The following SMIM5 variants were observed in gnomAD, a reference collection of about 807,000 sequenced individuals.
The protein encoded by SMIM5 is small integral membrane protein 5.
SMIM5 carries 4 observed loss-of-function variants against 4.0 expected under a neutral mutation model. That is an observed-to-expected ratio of 1.01 (90% CI 0.50 to 2.30). SMIM5 has a LOEUF of 2.30. Ranked by LOEUF, SMIM5 falls within the 30% of genes most tolerant of loss-of-function variation. The probability of loss-of-function intolerance (pLI) is 0.02; values close to 1 mark genes in which losing one functional copy is unlikely to be tolerated. For synonymous variants in SMIM5, 46 were observed against 43.6 expected, an observed-to-expected ratio of 1.05 and a Z score of -0.22; for missense variants, 107 against 99.2, an observed-to-expected ratio of 1.08 and a Z score of -0.34.
intron 1 of SMIM5, 141 bp downstream of exon 1, chr17:75,634,343 T>C: frequency 1.3e-6 from 1 of 748,430 alleles, no homozygotes; most frequent in Non-Finnish European, 1.6e-6. Context: ...TGCAGGGAAG[T>C]CAGCCAGCCT....
chr17:75,634,952 A>C (rs1010204157), intron 1 of SMIM5, among the ~76,000 whole-genome samples: 2 of 152,016 alleles, frequency 1.3e-5, no homozygotes, highest in Non-Finnish European at 2.9e-5. Flanking sequence ...ACCCCTAAGG[A>C]AGCAGGACCC....
chr17:75,640,183 A>G lies in SMIM5; in HGVS notation c.-19A>G. The stretch of plus-strand genomic sequence containing the variant: ...CCCAGCAGAGCCCGGCAGGAGCCCC[A>G]ACAGGAAGCCAGCGCGGCATGGCTG... On this transcript the variant is annotated 5_prime_UTR_variant, in exon 2 of 3. Transcript: ENST00000375215. This position sits in a 1 kb window ranked among gnomAD's most constrained non-coding sequence, Gnocchi z 4.6. 6.5e-7 allele frequency: 1 copy of G among 1,538,616 alleles called. No individual in the cohort carries two copies. The highest frequency in any genetic ancestry group is 8.8e-7 in the Non-Finnish European group (1 of 1,142,162).
At chr17:75,635,954 G>T in intron 1 of SMIM5, 1 of 648,124 alleles carries the variant, frequency 1.5e-6, no homozygotes, top group Non-Finnish European at 1.9e-6. Context: ...CTGTTGCAAG[G>T]CTCCGTGTGC....
intron 1 of SMIM5, chr17:75,637,959 C>T (rs1286108613): frequency 6.6e-6 from 1 of 152,230 alleles, no homozygotes; most frequent in Admixed American, 6.5e-5. Context: ...TCAGCTTCCC[C>T]ACGTATAGAA....
chr17:75,633,902 G>A lies in SMIM5; in HGVS notation c.-337G>A. 1.0e-6 allele frequency: 1 copy of A among 990,280 alleles called. No homozygotes were observed. Among genetic ancestry groups the A allele is most frequent in the Non-Finnish European group, 1.2e-6 (1 of 832,436 alleles). 61.3% of individuals were successfully genotyped at this position (990,280 alleles called of 1,614,324 possible). A position where few individuals can be genotyped will look rare whatever the true frequency, so the allele number is the denominator to read the frequency against. ...AGGAGGAAGGAGGAGGAGAGAGGGAGCTTGTCTTGTCCCTGAGCAGCGCTC... is the reference window on the plus strand; with the variant it reads ...AGGAGGAAGGAGGAGGAGAGAGGGAACTTGTCTTGTCCCTGAGCAGCGCTC... On this transcript the variant is annotated 5_prime_UTR_variant, in exon 1 of 3. Coordinates refer to ENST00000375215, the MANE Select transcript of SMIM5 (RefSeq NM_001162995.3).
Position 75,633,538 on chromosome 17 carries a change from C to T in SMIM5, c.-701C>T, listed in dbSNP as rs1291241437. On this transcript the variant is annotated 5_prime_UTR_variant, in exon 1 of 3. It adds an upstream start codon to the 5' untranslated region. Coordinates refer to ENST00000375215, the MANE Select transcript of SMIM5 (RefSeq NM_001162995.3). The stretch of plus-strand genomic sequence containing the variant: ...CAGGATTCCAAGTTCTCCCCCAAGA[C>T]GCCTTCAGATGCTGAGCGGCACAAG... 9 of 1,285,318 alleles carry T rather than the reference C, an allele frequency of 7.0e-6. No individual in the cohort carries two copies. In the South Asian group the frequency reaches 9.9e-5, roughly 14 times the overall value. The allele number at this position is 1,285,318 out of a possible 1,614,324, so 79.6% of individuals were successfully genotyped here.
chr17:75,640,739 G>A lies in SMIM5; in HGVS notation c.128-52G>A, dbSNP rs1484229937. 2.6e-6 allele frequency: 4 copies of A among 1,529,132 alleles called. No homozygotes were observed. The highest frequency in any genetic ancestry group is 1.4e-5 in the African/African-American group (1 of 72,732). 94.7% of individuals were successfully genotyped at this position (1,529,132 alleles called of 1,614,324 possible). On this transcript the variant is annotated intron_variant, in intron 2 of 2. Transcript: ENST00000375215. This position sits in a 1 kb window ranked among gnomAD's most constrained non-coding sequence, Gnocchi z 4.6. Reference sequence around the variant, plus strand: ...GTGGGTTTCTCTGGGAGGAGGGTGGGCATCCTTTCTCTCCCCCAACCTGAG... The same window carrying A: ...GTGGGTTTCTCTGGGAGGAGGGTGGACATCCTTTCTCTCCCCCAACCTGAG...
rs1241630126 is a variant in SMIM5, at chr17:75,640,116, G to A, written c.-36-50G>A. 10 of 1,440,504 alleles carry A rather than the reference G, an allele frequency of 6.9e-6. No homozygotes were observed. In the East Asian group the frequency reaches 1.0e-4, roughly 15 times the overall value. 89.2% of individuals were successfully genotyped at this position (1,440,504 alleles called of 1,614,324 possible). ...GAGGGTGGAATCTCGGTGCTGCGAC[G>A]AGTGTGGGGCCAGCCGTGGAGGCTC... On this transcript the variant is annotated intron_variant, in intron 1 of 2. Coordinates refer to ENST00000375215, the MANE Select transcript of SMIM5 (RefSeq NM_001162995.3). The surrounding 1 kb of genome is among the most constrained non-coding windows in gnomAD (Gnocchi z 4.6).
intron 1 of SMIM5, chr17:75,638,753 A>G (rs1362433630): frequency 1.3e-5 from 2 of 152,340 alleles, no homozygotes; most frequent in Non-Finnish European, 2.9e-5. Flanking sequence ...ATCTCATTCC[A>G]TATCAGAGAC....
In SMIM5 at chr17:75,636,053, C is replaced by T. The variant is rs551726435; in HGVS notation, c.-37+1851C>T. On this transcript the variant is annotated intron_variant, in intron 1 of 2. Coordinates refer to ENST00000375215, the MANE Select transcript of SMIM5 (RefSeq NM_001162995.3). This position sits in a 1 kb window ranked among gnomAD's most constrained non-coding sequence, Gnocchi z 5.4. ...AGTGTTTCCCCTGTGCTGACCGCTA[C>T]TGCAGCCAGGGCACACCCTCTGAAG... Among the ~76,000 whole-genome samples the T allele has an allele frequency of 7.9e-4, 120 of 152,366 alleles. No individual in the cohort carries two copies. Among genetic ancestry groups the T allele is most frequent in the Non-Finnish European group, 1.3e-3 (87 of 68,034 alleles).
chr17:75,633,872 A>AGAGGAGGAGGAAG lies in SMIM5; in HGVS notation c.-357_-345dup, dbSNP rs1446253699. 2 of 993,794 alleles carry AGAGGAGGAGGAAG rather than the reference A, an allele frequency of 2.0e-6. No homozygotes were observed. The highest frequency in any genetic ancestry group is 3.5e-5 in the African/African-American group (2 of 57,308). 61.6% of individuals were successfully genotyped at this position (993,794 alleles called of 1,614,324 possible). On this transcript the variant is annotated 5_prime_UTR_variant, in exon 1 of 3. An upstream open reading frame in the 5' UTR loses its in-frame stop. Coordinates refer to ENST00000375215, the MANE Select transcript of SMIM5 (RefSeq NM_001162995.3). ...CACGGCGTGGGAGTCGGGGAGAGGG[A>AGAGGAGGAGGAAG]GAGGAGGAGGAAGGAGGAGGAGAGA...
In SMIM5 at chr17:75,640,562, T is replaced by G. The variant is rs543284100; in HGVS notation, c.128-229T>G. On this transcript the variant is annotated intron_variant, in intron 2 of 2. Transcript: ENST00000375215. The surrounding 1 kb of genome is among the most constrained non-coding windows in gnomAD (Gnocchi z 4.6). ...TACCCCGGGATCCCAAACGCGGGGA[T>G]GACGGGAGCCAGGCTTGGGCAGTGA... Among the ~76,000 whole-genome samples the G allele has an allele frequency of 6.6e-6, 1 of 152,176 alleles. No homozygotes were observed. The highest frequency in any genetic ancestry group is 1.9e-4 in the East Asian group (1 of 5,146).
In SMIM5 at chr17:75,633,679, G is replaced by A; in HGVS notation, c.-560G>A. The A allele has an allele frequency of 8.6e-7, 1 of 1,156,146 alleles. No individual in the cohort carries two copies. The highest frequency in any genetic ancestry group is 1.1e-6 in the Non-Finnish European group (1 of 924,360). The allele number at this position is 1,156,146 out of a possible 1,614,324, so 71.6% of individuals were successfully genotyped here. ...AGAGGGAGGGACCAGCCAGGGAGTG[G>A]CCAGAGGGACAGAAGGGGTGGCCTT... On this transcript the variant is annotated 5_prime_UTR_variant, in exon 1 of 3. Coordinates refer to ENST00000375215, the MANE Select transcript of SMIM5 (RefSeq NM_001162995.3).
In SMIM5 at chr17:75,640,893, C is replaced by G; in HGVS notation, c.230C>G (p.Pro77Arg). The change falls in exon 3 of 3, where the codon CCA becomes CGA. Residue 77 changes from proline to arginine, a missense_variant. Coordinates refer to ENST00000375215, the MANE Select transcript of SMIM5 (RefSeq NM_001162995.3). The surrounding 1 kb of genome is among the most constrained non-coding windows in gnomAD (Gnocchi z 4.6). ...GRKVQVQPTP[P>R] The stretch of plus-strand genomic sequence containing the variant: ...AAGGTCCAGGTGCAGCCGACACCAC[C>G]ATGACGGACGGGCGATGGCTGAGGA... 1.4e-5 allele frequency: 22 copies of G among 1,544,362 alleles called. No homozygotes were observed. The highest frequency in any genetic ancestry group is 1.7e-5 in the Non-Finnish European group (19 of 1,146,816).
In SMIM5 at chr17:75,641,008, C is replaced by T; in HGVS notation, c.*111C>T. On this transcript the variant is annotated 3_prime_UTR_variant, in exon 3 of 3. Transcript: ENST00000375215. ...CCCTCAAGACCAGGCTCCCCTGGCC[C>T]CAGCTCTGGCCCAGCCCAGGTACCT... The T allele has an allele frequency of 6.8e-7, 1 of 1,472,202 alleles. No homozygotes were observed. Among genetic ancestry groups the T allele is most frequent in the Non-Finnish European group, 9.0e-7 (1 of 1,107,632 alleles). The allele number at this position is 1,472,202 out of a possible 1,614,324, so 91.2% of individuals were successfully genotyped here. A position where few individuals can be genotyped will look rare whatever the true frequency, so the allele number is the denominator to read the frequency against.
At chr17:75,637,508 C>T (rs1416393081) in intron 1 of SMIM5, 1 of 152,284 alleles carries the variant, frequency 6.6e-6, no homozygotes, top group Non-Finnish European at 1.5e-5. Context: ...CAAGAGGGGA[C>T]CACTGTCCTT....
Position 75,640,820 on chromosome 17 carries a change from T to C in SMIM5, c.157T>C (p.Cys53Arg). Reference sequence around the variant, plus strand: ...TGTTCTGCTGTTGCTGCTGATAGCCTGCAGCTGCTGCTGCACTCACTGCTG... The same window carrying C: ...TGTTCTGCTGTTGCTGCTGATAGCCCGCAGCTGCTGCTGCACTCACTGCTG... ...ATVLLLLLIA[C>R]SCCCTHCCCP... is the part of the protein sequence containing the mutation. Residue 53 changes from cysteine (C) to arginine (R), a missense_variant, in exon 3 of 3, where the codon TGC (cysteine) becomes CGC (arginine). Physicochemically the swap from Cys to Arg is radical, Grantham distance 180 (BLOSUM62 -3). Coordinates refer to ENST00000375215, the MANE Select transcript of SMIM5 (RefSeq NM_001162995.3). This position sits in a 1 kb window ranked among gnomAD's most constrained non-coding sequence, Gnocchi z 4.6. 1.9e-6 allele frequency: 3 copies of C among 1,550,088 alleles called. No homozygotes were observed. The highest frequency in any genetic ancestry group is 1.7e-4 in the Middle Eastern group (1 of 5,990).
intron 1 of SMIM5, 144 bp downstream of exon 1, chr17:75,634,346 G>C: frequency 1.4e-6 from 1 of 728,056 alleles, no homozygotes; most frequent in Non-Finnish European, 1.7e-6. Flanking sequence ...AGGGAAGTCA[G>C]CCAGCCTCCT....
Position 75,633,652 on chromosome 17 carries a change from C to A in SMIM5, c.-587C>A. 8.5e-7 allele frequency: 1 copy of A among 1,172,658 alleles called. No homozygotes were observed. Among genetic ancestry groups the A allele is most frequent in the Non-Finnish European group, 1.1e-6 (1 of 932,602 alleles). The allele number at this position is 1,172,658 out of a possible 1,614,324, so 72.6% of individuals were successfully genotyped here. ...TGTTTACTGTTGTTCCTGAGAGAGG[C>A]CAGAGGGAGGGACCAGCCAGGGAGT... On this transcript the variant is annotated 5_prime_UTR_variant, in exon 1 of 3. Coordinates refer to ENST00000375215, the MANE Select transcript of SMIM5 (RefSeq NM_001162995.3).
Sources: allele counts gnomAD v4.1 joint callset (sites outside exome capture counted in the v4.1 genomes callset), GRCh38; gene constraint gnomAD v4.1.1; non-coding constraint Gnocchi (gnomAD v3.1); transcripts MANE v1.5; gene names NCBI Gene and HGNC (gene_info 2026-07-23, HGNC 2026-07-21).